The following UNC5D variants were observed in gnomAD, a reference collection of about 807,000 sequenced individuals.
UNC5D encodes netrin receptor UNC5D.
In UNC5D, 39 loss-of-function variants were observed where a neutral mutation model predicts 105.4. The ratio of observed to expected loss-of-function variants is 0.37; its 90% CI spans 0.29 to 0.48. The LOEUF (loss-of-function observed/expected upper bound fraction) is 0.48, where lower values mean the gene tolerates loss of function less well. Ranked by LOEUF, UNC5D falls within the 20% of genes least tolerant of loss-of-function variation. The pLI is 0.98. For missense variants in UNC5D, 991 were observed against 1,202.4 expected (o/e 0.82, Z 2.60); for synonymous variants, 452 against 450.4 (o/e 1.00, Z -0.04).
chr8:35,758,262 G>A (rs1830602360), intron 13 of UNC5D, among the ~76,000 whole-genome samples: 1 of 152,200 alleles, frequency 6.6e-6, no homozygotes, highest in South Asian at 2.1e-4. Flanking sequence ...GACAAGAGAT[G>A]GATAAGATAA....
chr8:35,439,824 G>T (rs1273053013), intron 1 of UNC5D, among the ~76,000 whole-genome samples: 1 of 151,988 alleles, frequency 6.6e-6, no homozygotes, highest in East Asian at 1.9e-4. Context: ...TTCTAAATAT[G>T]AAAAGCACAG....
intron 2 of UNC5D, 78 bp downstream of exon 2, chr8:35,549,588 GA>G: frequency 7.3e-7 from 1 of 1,370,938 alleles, no homozygotes; most frequent in Non-Finnish European, 1.0e-6. Flanking sequence ...GGAAAGACTG[GA>G]AATCACCCCC....
intron 15 of UNC5D, among the ~76,000 whole-genome samples, chr8:35,768,069 G>A (rs1801852826): frequency 6.6e-6 from 1 of 151,404 alleles, no homozygotes; most frequent in African/African-American, 2.4e-5. Flanking sequence ...CTTGGCAGAA[G>A]ATTGAACACA....
At chr8:35,638,310 CTT>C (rs1385130376) in intron 4 of UNC5D, among the ~76,000 whole-genome samples, 3 of 152,102 alleles carry the variant, frequency 2.0e-5, no homozygotes, top group Non-Finnish European at 4.4e-5. Context: ...GGTGAAGACT[CTT>C]TTAAATACAG....
chr8:35,593,375 T>C (rs568500667), intron 3 of UNC5D, among the ~76,000 whole-genome samples: 44 of 152,282 alleles, frequency 2.9e-4, no homozygotes, highest in Non-Finnish European at 4.4e-4. Context: ...GGTGTCAAAA[T>C]TGGGATGACC....
chr8:35,708,237 G>A (rs192539877), intron 8 of UNC5D, among the ~76,000 whole-genome samples: 64 of 152,254 alleles, frequency 4.2e-4, no homozygotes, highest in African/African-American at 1.1e-3. Flanking sequence ...TTAGAGTTGC[G>A]GGGAGGTGTA....
intron 16 of UNC5D, among the ~76,000 whole-genome samples, chr8:35,779,951 C>T (rs1802427548): frequency 6.6e-6 from 1 of 152,138 alleles, no homozygotes; most frequent in African/African-American, 2.4e-5. Context: ...TCCTAATTTT[C>T]ATATTCCAGA....
chr8:35,708,521 C>T (rs1268308582), intron 8 of UNC5D, among the ~76,000 whole-genome samples: 1 of 152,052 alleles, frequency 6.6e-6, no homozygotes, highest in Non-Finnish European at 1.5e-5. Flanking sequence ...TCAGGAGGTG[C>T]GGTAAAATAT....
chr8:35,568,327 G>T, intron 3 of UNC5D, 86 bp downstream of exon 3: 1 of 1,489,110 alleles, frequency 6.7e-7, no homozygotes, highest in Non-Finnish European at 9.1e-7. Flanking sequence ...GATGTCAGAT[G>T]CTTCTACAGA....
chr8:35,399,081 G>A (rs1278051748), intron 1 of UNC5D, among the ~76,000 whole-genome samples: 1 of 147,860 alleles, frequency 6.8e-6, no homozygotes, highest in East Asian at 2.0e-4. Flanking sequence ...GGAGTCAGAG[G>A]TTGCAGTGGG....
At chr8:35,494,613 G>A (rs901507179) in intron 1 of UNC5D, among the ~76,000 whole-genome samples, 8 of 152,172 alleles carry the variant, frequency 5.3e-5, no homozygotes, top group African/African-American at 1.9e-4. Context: ...TCAACTACTT[G>A]CTATTCAAAT....
intron 1 of UNC5D, among the ~76,000 whole-genome samples, chr8:35,403,904 C>G (rs1057196216): frequency 6.6e-6 from 1 of 152,202 alleles, no homozygotes; most frequent in African/African-American, 2.4e-5. Flanking sequence ...ATCTTCCCCT[C>G]TGTTCCCTCC....
At chr8:35,383,717 T>C (rs1330026426) in intron 1 of UNC5D, among the ~76,000 whole-genome samples, 1 of 152,190 alleles carries the variant, frequency 6.6e-6, no homozygotes, top group African/African-American at 2.4e-5. Context: ...TGTATGACCT[T>C]GTTTTATTGT....
chr8:35,597,959 T>A (rs1819592534), intron 4 of UNC5D, among the ~76,000 whole-genome samples: 1 of 152,140 alleles, frequency 6.6e-6, no homozygotes, highest in South Asian at 2.1e-4. Context: ...TTGACTGCGC[T>A]ACAGTCACCC....
chr8:35,611,010 CAAAAAAAAA>C (rs11314770), intron 4 of UNC5D, among the ~76,000 whole-genome samples: 1 of 60,100 alleles, frequency 1.7e-5, no homozygotes, highest in Non-Finnish European at 3.1e-5. Flanking sequence ...GACAAAGAAG[CAAAAAAAAA>C]AAAAAAAAAA....
chr8:35,287,612 G>A (rs544868914), intron 1 of UNC5D, among the ~76,000 whole-genome samples: 10 of 151,510 alleles, frequency 6.6e-5, no homozygotes, highest in Admixed American at 1.3e-4. Context: ...TAAGCAATAT[G>A]GAGAAAACCT....
At chr8:35,653,352 T>C (rs1226930688) in intron 4 of UNC5D, among the ~76,000 whole-genome samples, 1 of 152,200 alleles carries the variant, frequency 6.6e-6, no homozygotes, top group Non-Finnish European at 1.5e-5. Flanking sequence ...TTATATATCC[T>C]GTGTGAAAAC....
intron 1 of UNC5D, among the ~76,000 whole-genome samples, chr8:35,433,705 C>A (rs1350878046): frequency 6.6e-6 from 1 of 151,442 alleles, no homozygotes; most frequent in East Asian, 1.9e-4. Flanking sequence ...TACTATTGGC[C>A]AGGCATGGTG....
chr8:35,689,102 CATAGTA>C (rs1377907394), intron 7 of UNC5D, among the ~76,000 whole-genome samples: 6 of 152,142 alleles, frequency 3.9e-5, no homozygotes. Flanking sequence ...TTTTTATAGT[CATAGTA>C]ATAACCTTCA....
Sources: gnomAD v4.1 joint callset for allele counts (sites outside exome capture counted in the v4.1 genomes callset) on GRCh38, gnomAD v4.1.1 for gene constraint, MANE v1.5 for transcripts, NCBI Gene and HGNC (gene_info 2026-07-23, HGNC 2026-07-21) for gene names.